The following AOAH variants were observed in gnomAD, a reference collection of about 807,000 sequenced individuals.
The protein encoded by AOAH is acyloxyacyl hydrolase (neutrophil).
In AOAH, 64 loss-of-function variants were observed where a neutral mutation model predicts 92.2. The ratio of observed to expected loss-of-function variants is 0.69; its 90% CI spans 0.57 to 0.86. The LOEUF (loss-of-function observed/expected upper bound fraction) is 0.86. Among genes scored for constraint, AOAH ranks in the 40% least tolerant of loss-of-function variants. The pLI is 0.00. For synonymous variants in AOAH, 263 were observed against 254.5 expected (o/e 1.03, Z -0.32); for missense variants, 656 against 694.6 (o/e 0.94, Z 0.62).
intron 12 of AOAH, among the ~76,000 whole-genome samples, chr7:36,581,450 T>C (rs1009797617): frequency 4.6e-5 from 7 of 152,254 alleles, no homozygotes; most frequent in African/African-American, 1.7e-4. Context: ...CTGAAATGGA[T>C]ACCTTATACA....
At chr7:36,723,948 T>G (rs537981523) in intron 1 of AOAH, 74 bp downstream of exon 1, 1 of 1,495,468 alleles carries the variant, frequency 6.7e-7, no homozygotes, top group South Asian at 1.2e-5. Context: ...AAATATGTGA[T>G]TTATTACGCA....
Position 36,686,876 on chromosome 7 carries a change from G to A in AOAH, c.128-82C>T, listed in dbSNP as rs866054456. 0.015 allele frequency: 4,904 copies of A among 317,046 alleles called. 148 individuals are homozygous for A. The African/African-American group carries it at 0.33, about 22-fold the overall frequency. The allele number at this position is 317,046 out of a possible 1,614,324, so 19.6% of individuals were successfully genotyped here. A position where few individuals can be genotyped will look rare whatever the true frequency, so the allele number is the denominator to read the frequency against. ...GACAGGAGAAAGAAAGGATGCGTGT[G>A]TGTGTGTGTGTGTGTGTGTGTCCTT... On this transcript the variant is annotated intron_variant, in intron 1 of 20. Coordinates refer to ENST00000617537, the MANE Select transcript of AOAH (RefSeq NM_001637.4).
chr7:36,621,306 G>T (rs1286460235), intron 8 of AOAH, among the ~76,000 whole-genome samples: 1 of 152,220 alleles, frequency 6.6e-6, no homozygotes, highest in Non-Finnish European at 1.5e-5. Flanking sequence ...CCATTCATTA[G>T]AGGCTTCTCC....
chr7:36,517,214 C>CTTTCTTTCTCTT (rs59205788), intron 20 of AOAH, among the ~76,000 whole-genome samples: 2,171 of 104,618 alleles, frequency 0.021, 77 homozygotes, highest in African/African-American at 0.052. Context: ...TTCTTTCTTT[C>CTTTCTTTCTCTT]TCTTTCTTTC....
intron 4 of AOAH, among the ~76,000 whole-genome samples, chr7:36,655,669 C>A (rs73689812): frequency 6.6e-5 from 10 of 152,070 alleles, no homozygotes; most frequent in African/African-American, 1.4e-4. Context: ...ATCAGTGAGG[C>A]CTTCACATGA....
At chr7:36,617,636 G>A (rs1048437845) in intron 10 of AOAH, among the ~76,000 whole-genome samples, 1 of 152,250 alleles carries the variant, frequency 6.6e-6, no homozygotes, top group Non-Finnish European at 1.5e-5. Flanking sequence ...AGTGGGGAGA[G>A]AAGCATTGCC....
chr7:36,695,876 C>T (rs921281395), intron 1 of AOAH, among the ~76,000 whole-genome samples: 6 of 152,158 alleles, frequency 3.9e-5, no homozygotes, highest in African/African-American at 7.2e-5. Flanking sequence ...TTCAATGTCA[C>T]GGAGATTTCC....
intron 12 of AOAH, among the ~76,000 whole-genome samples, chr7:36,577,566 G>A (rs1281471165): frequency 2.0e-5 from 3 of 152,010 alleles, no homozygotes; most frequent in East Asian, 1.9e-4. Context: ...CAGAGCTTAC[G>A]GAAAAATTTG....
At chr7:36,686,495 A>G (rs539490624) in intron 2 of AOAH, among the ~76,000 whole-genome samples, 1 of 152,260 alleles carries the variant, frequency 6.6e-6, no homozygotes, top group East Asian at 1.9e-4. Flanking sequence ...TTGTGCCATG[A>G]TGGAAAATGA....
At position 36,654,357 on chromosome 7, in the gene AOAH, T is replaced by A. The variant is rs150361367; in HGVS notation, c.390+4809A>T. Among the ~76,000 whole-genome samples, 107 of 152,334 alleles carry A rather than the reference T, an allele frequency of 7.0e-4. 1 individual carries two copies. The highest frequency in any genetic ancestry group is 2.4e-3 in the African/African-American group (100 of 41,580). On this transcript the variant is annotated intron_variant, in intron 4 of 20. Coordinates refer to ENST00000617537, the MANE Select transcript of AOAH (RefSeq NM_001637.4). Reference sequence around the variant, plus strand: ...TTGTACCAGTGGGACATCGTAGATTTTTCTTGCTTTAATTAGTTATGGATG... The same window carrying A: ...TTGTACCAGTGGGACATCGTAGATTATTCTTGCTTTAATTAGTTATGGATG...
At chr7:36,704,075 T>G (rs925086810) in intron 1 of AOAH, among the ~76,000 whole-genome samples, 2 of 152,162 alleles carry the variant, frequency 1.3e-5, no homozygotes, top group African/African-American at 4.8e-5. Flanking sequence ...CTCATTGTGG[T>G]TTTGATTTGC....
At position 36,523,418 on chromosome 7, in the gene AOAH, G is replaced by A. The variant is rs556863882; in HGVS notation, c.1523-1303C>T. Among the ~76,000 whole-genome samples, 6 of 152,296 alleles carry A rather than the reference G, an allele frequency of 3.9e-5. No homozygotes were observed. The South Asian group carries it at 1.0e-3, about 26-fold the overall frequency. The stretch of plus-strand genomic sequence containing the variant: ...TGGTAAATAGCACTTCTATCTGAAG[G>A]AATGGTAGGTACCTGCTCTTCTAAT... On this transcript the variant is annotated intron_variant, in intron 19 of 20. Transcript: ENST00000617537.
intron 11 of AOAH, among the ~76,000 whole-genome samples, chr7:36,600,868 C>T (rs570535129): frequency 6.6e-6 from 1 of 152,270 alleles, no homozygotes; most frequent in South Asian, 2.1e-4. Context: ...TGAGAGCTGC[C>T]GCCATCTTTT....
intron 5 of AOAH, among the ~76,000 whole-genome samples, chr7:36,634,477 A>T (rs2116272386): frequency 6.6e-6 from 1 of 152,024 alleles, no homozygotes; most frequent in Admixed American, 6.5e-5. Context: ...TCTCACGCGC[A>T]TCACTTTAGA....
At chr7:36,607,404 T>C (rs983006231) in intron 11 of AOAH, among the ~76,000 whole-genome samples, 1 of 152,166 alleles carries the variant, frequency 6.6e-6, no homozygotes. Flanking sequence ...TGTAAATGCA[T>C]TCCTACCATC....
chr7:36,543,947 C>CTTTCTTTCTT (rs55745823), intron 15 of AOAH, among the ~76,000 whole-genome samples: 9 of 91,008 alleles, frequency 9.9e-5, no homozygotes, highest in Non-Finnish European at 1.8e-4. Context: ...TTCTTTCTTT[C>CTTTCTTTCTT]TTTTTTTTTT....
chr7:36,517,224 C>CT (rs1229778638), intron 20 of AOAH, among the ~76,000 whole-genome samples: 1 of 47,588 alleles, frequency 2.1e-5, no homozygotes, highest in Non-Finnish European at 5.6e-5. Context: ...CTCTTTCTTT[C>CT]TGTCTCTCTC....
At position 36,516,132 on chromosome 7, in the gene AOAH, G is replaced by C. The variant is rs1356232584; in HGVS notation, c.1600-2752C>G. ...ATACATCACACACACACCACACACA[G>C]ATACACCACACACATCTCACACACA... is the stretch of plus-strand genomic sequence containing the variant. On this transcript the variant is annotated intron_variant, in intron 20 of 20. Transcript: ENST00000617537. The surrounding 1 kb of genome is among the most constrained non-coding windows in gnomAD (Gnocchi z 5.0). Among the ~76,000 whole-genome samples the C allele has an allele frequency of 7.9e-6, 1 of 126,766 alleles. No homozygotes were observed. Among genetic ancestry groups the C allele is most frequent in the Non-Finnish European group, 1.7e-5 (1 of 59,388 alleles). 83.2% of individuals were successfully genotyped at this position (126,766 alleles called of 152,430 possible).
At chr7:36,713,023 A>G (rs968136465) in intron 1 of AOAH, among the ~76,000 whole-genome samples, 8 of 144,596 alleles carry the variant, frequency 5.5e-5, no homozygotes, top group African/African-American at 2.1e-4. Flanking sequence ...TCCAATTAAA[A>G]GACACAGACT....
Sources: allele counts gnomAD v4.1 joint callset (sites outside exome capture counted in the v4.1 genomes callset), GRCh38; gene constraint gnomAD v4.1.1; non-coding constraint Gnocchi (gnomAD v3.1); transcripts MANE v1.5; gene names NCBI Gene and HGNC (gene_info 2026-07-23, HGNC 2026-07-21).